Variants in PTPRK observed in about 807,000 individuals in gnomAD.
The protein encoded by PTPRK is protein tyrosine phosphatase receptor type K, also known as receptor-type tyrosine-protein phosphatase kappa.
A neutral mutation model predicts 178.0 loss-of-function variants in PTPRK; 75 were observed. The observed-to-expected ratio is 0.42, with a 90% CI of 0.35 to 0.51. The LOEUF (loss-of-function observed/expected upper bound fraction) is 0.51. Among genes scored for constraint, PTPRK ranks in the 20% least tolerant of loss-of-function variants. PTPRK has a pLI of 0.02. For synonymous variants in PTPRK, 637 were observed against 620.6 expected (o/e 1.03, Z -0.39); for missense variants, 1,441 against 1,797.8 (o/e 0.80, Z 3.59).
intron 3 of PTPRK, among the ~76,000 whole-genome samples, chr6:128,279,712 T>A (rs1384874242): frequency 6.6e-6 from 1 of 152,196 alleles, no homozygotes; most frequent in Non-Finnish European, 1.5e-5. Context: ...AAGATTAAAA[T>A]ATTATCTATT....
intron 7 of PTPRK, among the ~76,000 whole-genome samples, chr6:128,123,909 T>A (rs1299264054): frequency 6.6e-6 from 1 of 152,162 alleles, no homozygotes; most frequent in East Asian, 1.9e-4. Flanking sequence ...AAAGTGCCAT[T>A]TACATCATAC....
intron 2 of PTPRK, among the ~76,000 whole-genome samples, chr6:128,339,344 C>G (rs1304699158): frequency 6.6e-6 from 1 of 152,130 alleles, no homozygotes; most frequent in Non-Finnish European, 1.5e-5. Flanking sequence ...TTTAATCTTG[C>G]ACTAACAAGC....
intron 6 of PTPRK, among the ~76,000 whole-genome samples, chr6:128,185,223 C>CCT (rs1194683697): frequency 6.6e-6 from 1 of 152,106 alleles, no homozygotes. Context: ...TACAAATCTG[C>CCT]CTCACAGTGT....
chr6:128,471,712 A>T (rs1161156677), intron 1 of PTPRK, among the ~76,000 whole-genome samples: 1 of 151,676 alleles, frequency 6.6e-6, no homozygotes, highest in African/African-American at 2.4e-5. Context: ...GATAAAATAC[A>T]TTCTTTTTTA....
At chr6:128,138,268 G>A (rs1233679523) in intron 7 of PTPRK, among the ~76,000 whole-genome samples, 1 of 152,032 alleles carries the variant, frequency 6.6e-6, no homozygotes, top group Non-Finnish European at 1.5e-5. Context: ...TGGCTTTCTG[G>A]CCAGCCCCAG....
intron 3 of PTPRK, among the ~76,000 whole-genome samples, chr6:128,248,417 A>G (rs1815858403): frequency 6.6e-6 from 1 of 152,178 alleles, no homozygotes; most frequent in African/African-American, 2.4e-5. Flanking sequence ...CTATACTTTC[A>G]ACTCTGATAA....
At chr6:128,421,880 T>C (rs1049473507) in intron 1 of PTPRK, among the ~76,000 whole-genome samples, 1 of 152,248 alleles carries the variant, frequency 6.6e-6, no homozygotes, top group African/African-American at 2.4e-5. Flanking sequence ...TGGTTTGGCT[T>C]ATAAGAACAC....
chr6:128,092,324 G>A (rs2115030700), intron 7 of PTPRK, among the ~76,000 whole-genome samples: 1 of 152,184 alleles, frequency 6.6e-6, no homozygotes, highest in South Asian at 2.1e-4. Flanking sequence ...ACTCACTTTA[G>A]GATAGTACTC....
intron 12 of PTPRK, among the ~76,000 whole-genome samples, chr6:128,066,127 C>A (rs1399768294): frequency 6.6e-6 from 1 of 152,050 alleles, no homozygotes; most frequent in Non-Finnish European, 1.5e-5. Flanking sequence ...AGATCAAAAC[C>A]CTCACACAAA....
chr6:128,449,194 C>T (rs1847440283), intron 1 of PTPRK, among the ~76,000 whole-genome samples: 1 of 152,168 alleles, frequency 6.6e-6, no homozygotes, highest in Non-Finnish European at 1.5e-5. Flanking sequence ...AATGTTTGCA[C>T]TCAAGTGATT....
chr6:128,041,869 T>C (rs1777237907), intron 13 of PTPRK, among the ~76,000 whole-genome samples: 1 of 151,862 alleles, frequency 6.6e-6, no homozygotes, highest in Admixed American at 6.6e-5. Context: ...TATATAGCTA[T>C]ATATATAGTT....
intron 2 of PTPRK, among the ~76,000 whole-genome samples, chr6:128,379,162 G>A (rs915834604): frequency 6.6e-6 from 1 of 152,032 alleles, no homozygotes; most frequent in Non-Finnish European, 1.5e-5. Flanking sequence ...TCCAAGTTCA[G>A]CTACTTTATT....
chr6:128,267,024 CTT>C (rs1379471444), intron 3 of PTPRK, among the ~76,000 whole-genome samples: 2 of 152,042 alleles, frequency 1.3e-5, no homozygotes, highest in East Asian at 3.8e-4. Flanking sequence ...TCATAAAAAT[CTT>C]ATGAAATCAC....
intron 1 of PTPRK, among the ~76,000 whole-genome samples, chr6:128,461,037 GA>G (rs1203623644): frequency 2.6e-5 from 4 of 152,092 alleles, no homozygotes. Flanking sequence ...AAGCTGGAAA[GA>G]AATTATTTTT....
At chr6:128,410,560 G>C (rs766469168) in intron 1 of PTPRK, among the ~76,000 whole-genome samples, 6 of 152,172 alleles carry the variant, frequency 3.9e-5, no homozygotes, top group Non-Finnish European at 8.8e-5. Context: ...CACTATGAAT[G>C]ATTTGTCATG....
intron 7 of PTPRK, among the ~76,000 whole-genome samples, chr6:128,124,541 T>C (rs756492584): frequency 3.9e-5 from 6 of 152,088 alleles, no homozygotes; most frequent in Non-Finnish European, 8.8e-5. Context: ...AATTACAGTA[T>C]CATTGTTTCA....
chr6:128,127,527 A>T lies in PTPRK; in HGVS notation c.1163-37535T>A, dbSNP rs76798550. Reference sequence around the variant, plus strand: ...TATGCACTGTATTAGCTTTATACCTAAACAATTACAACAGCGATGCAATGT... The same window carrying T: ...TATGCACTGTATTAGCTTTATACCTTAACAATTACAACAGCGATGCAATGT... On this transcript the variant is annotated intron_variant, in intron 7 of 29. Transcript: ENST00000368226. Among the ~76,000 whole-genome samples, 51 of 152,318 alleles carry T rather than the reference A, an allele frequency of 3.3e-4. No homozygotes were observed. In the East Asian group the frequency reaches 8.5e-3, roughly 25 times the overall value.
rs1773752788 is a variant in PTPRK at position 127,970,248 on chromosome 6, C to T, written c.4302G>A (p.Leu1434=). The T allele has an allele frequency of 6.2e-7, 1 of 1,610,492 alleles. No homozygotes were observed. Among genetic ancestry groups the T allele is most frequent in the East Asian group, 2.2e-5 (1 of 44,616 alleles). The change falls in exon 30 of 30, where the codon TTG becomes TTA. Residue 1434 remains leucine (L), a synonymous_variant. Transcript: ENST00000368226. ...CCAACTAAGATGATTCCAGGTACTC[C>T]AAAGCTACATCATAGCAGAAACGGT... ...EQYRFCYDVA[L]EYLESS
chr6:128,191,307 G>C (rs1236530078), intron 6 of PTPRK, among the ~76,000 whole-genome samples: 1 of 152,052 alleles, frequency 6.6e-6, no homozygotes, highest in African/African-American at 2.4e-5. Flanking sequence ...GGCACAGAAA[G>C]ACAAATACTG....
Sources: allele counts gnomAD v4.1 joint callset (sites outside exome capture counted in the v4.1 genomes callset), GRCh38; gene constraint gnomAD v4.1.1; transcripts MANE v1.5; gene names NCBI Gene and HGNC (gene_info 2026-07-23, HGNC 2026-07-21).